RHOT1: variants seen among roughly 807,000 people sequenced by gnomAD.
The protein encoded by RHOT1 is mitochondrial Rho GTPase 1.
RHOT1 carries 27 observed loss-of-function variants against 95.3 expected under a neutral mutation model. The observed-to-expected ratio is 0.28, with a 90% CI of 0.21 to 0.39. RHOT1 has a LOEUF of 0.39. Ranked by LOEUF, RHOT1 falls within the 10% of genes least tolerant of loss-of-function variation. RHOT1 has a pLI of 1.00. For synonymous variants in RHOT1, 227 were observed against 263.5 expected (o/e 0.86, Z 1.34); for missense variants, 578 against 786.7 (o/e 0.73, Z 3.17).
chr17:32,176,288 T>G, intron 6 of RHOT1, 75 bp downstream of exon 6: 1 of 1,130,468 alleles, frequency 8.8e-7, no homozygotes, highest in Non-Finnish European at 1.3e-6. Flanking sequence ...AAGTAGTACA[T>G]TGAACTTCCC....
At chr17:32,148,020 C>G (rs1292086575) in intron 1 of RHOT1, among the ~76,000 whole-genome samples, 1 of 152,158 alleles carries the variant, frequency 6.6e-6, no homozygotes, top group Non-Finnish European at 1.5e-5. Flanking sequence ...AATCCCAGCA[C>G]TTTGGGAGGC....
intron 1 of RHOT1, among the ~76,000 whole-genome samples, chr17:32,152,214 T>C (rs148390970): frequency 7.5e-4 from 114 of 152,354 alleles, no homozygotes; most frequent in African/African-American, 2.6e-3. Context: ...ACACCTTCTC[T>C]CCTGCCAGAG....
At chr17:32,169,482 TA>T (rs1450279765) in intron 1 of RHOT1, among the ~76,000 whole-genome samples, 1 of 152,228 alleles carries the variant, frequency 6.6e-6, no homozygotes, top group Non-Finnish European at 1.5e-5. Flanking sequence ...TCTTTGCTTT[TA>T]CCTTGTTACT....
chr17:32,195,878 G>A (rs969524249), intron 11 of RHOT1, among the ~76,000 whole-genome samples: 5 of 152,026 alleles, frequency 3.3e-5, no homozygotes, highest in African/African-American at 9.7e-5. Context: ...TCTTTTCTGT[G>A]TCATTTATGT....
At chr17:32,142,854 C>T in intron 1 of RHOT1, 125 bp downstream of exon 1, 3 of 871,328 alleles carry the variant, frequency 3.4e-6, no homozygotes, top group Non-Finnish European at 5.5e-6. Context: ...CCTCACAGCT[C>T]CGCTCGCCTT....
chr17:32,152,842 T>C (rs2032487163), intron 1 of RHOT1, among the ~76,000 whole-genome samples: 1 of 152,126 alleles, frequency 6.6e-6, no homozygotes, highest in Admixed American at 6.6e-5. Context: ...CTCACTCGGT[T>C]GTCCAGGCTG....
At chr17:32,200,924 C>G in intron 13 of RHOT1, 32 bp from the exon 14 acceptor site, 1 of 1,502,096 alleles carries the variant, frequency 6.7e-7, no homozygotes, top group Non-Finnish European at 9.2e-7. Context: ...CGTTTAGGAA[C>G]TTTTCACATT....
At chr17:32,204,609 A>G (rs1392902516) in intron 16 of RHOT1, among the ~76,000 whole-genome samples, 3 of 151,030 alleles carry the variant, frequency 2.0e-5, no homozygotes, top group South Asian at 4.2e-4. Context: ...TTTAGATATA[A>G]ATAAAAATTC....
chr17:32,192,422 C>G (rs1300096974), intron 9 of RHOT1, 123 bp downstream of exon 9: 2 of 645,718 alleles, frequency 3.1e-6, no homozygotes, highest in African/African-American at 3.9e-5. Context: ...GTTTCTTTCT[C>G]ATAAAACTAT....
At chr17:32,166,368 T>G (rs1222264659) in intron 1 of RHOT1, among the ~76,000 whole-genome samples, 24 of 152,184 alleles carry the variant, frequency 1.6e-4, no homozygotes, top group Admixed American at 1.5e-3. Flanking sequence ...GCCTCAGGGT[T>G]GATGGCTGCT....
Position 32,170,920 on chromosome 17 carries a change from AACTT to A in RHOT1, c.38-121_38-118del, listed in dbSNP as rs1201340662. 4 of 576,522 alleles carry A rather than the reference AACTT, an allele frequency of 6.9e-6. No homozygotes were observed. In the African/African-American group the frequency reaches 7.8e-5, roughly 11 times the overall value. 35.7% of individuals were successfully genotyped at this position (576,522 alleles called of 1,614,324 possible). On this transcript the variant is annotated intron_variant, in intron 1 of 19. Transcript: ENST00000545287. ...GATATACTTTTAAGTATTATACTAA[AACTT>A]AATAATTTGGATGCCTTAGATTTTA...
intron 16 of RHOT1, 131 bp from the exon 17 acceptor site, chr17:32,206,779 T>G (rs954538986): frequency 1.5e-6 from 1 of 687,682 alleles, no homozygotes; most frequent in Admixed American, 3.1e-5. Context: ...CTTTTAAAAC[T>G]GGCCTGAAAA....
At chr17:32,153,435 G>C (rs1176309119) in intron 1 of RHOT1, among the ~76,000 whole-genome samples, 1 of 152,186 alleles carries the variant, frequency 6.6e-6, no homozygotes, top group Non-Finnish European at 1.5e-5. Context: ...AATGCAGGAG[G>C]ATAGCTTGAG....
chr17:32,206,192 CTTTTTTTTTTTTTTTTT>C lies in RHOT1; in HGVS notation c.1417-704_1417-688del, dbSNP rs71144812. Among the ~76,000 whole-genome samples, 4 of 60,530 alleles carry C rather than the reference CTTTTTTTTTTTTTTTTT, an allele frequency of 6.6e-5. No homozygotes were observed. The East Asian group carries it at 1.2e-3, about 17-fold the overall frequency. 39.7% of individuals were successfully genotyped at this position (60,530 alleles called of 152,430 possible). On this transcript the variant is annotated intron_variant, in intron 16 of 19. Coordinates refer to ENST00000545287, the MANE Select transcript of RHOT1 (RefSeq NM_001033566.3). ...TCACTAATACTAGCTTCCATAGAATCTTTTTTTTTTTTTTTTTTTTTTTTTTTTTTGAGACAAGGTTT... is the reference window on the plus strand; with the variant it reads ...TCACTAATACTAGCTTCCATAGAATCTTTTTTTTTTTTTGAGACAAGGTTT...
At chr17:32,148,629 C>T (rs1018479386) in intron 1 of RHOT1, among the ~76,000 whole-genome samples, 2 of 152,156 alleles carry the variant, frequency 1.3e-5, no homozygotes, top group Non-Finnish European at 2.9e-5. Flanking sequence ...CTAAAGTTTT[C>T]CAGTTAAAAA....
rs1359976492 is a variant in RHOT1 at position 32,224,703 on chromosome 17, T to C, written c.1950T>C (p.Ala650=). The change falls in exon 20 of 20, where the codon GCT becomes GCC. Residue 650 remains alanine (A), a synonymous_variant. Coordinates refer to ENST00000545287, the MANE Select transcript of RHOT1 (RefSeq NM_001033566.3). ...GATVFAVLGF[A]MYKALLKQR ...CTGTTTTTGCAGTTTTGGGCTTTGCTATGTACAAAGCATTATTGAAACAGC... is the reference window on the plus strand; with the variant it reads ...CTGTTTTTGCAGTTTTGGGCTTTGCCATGTACAAAGCATTATTGAAACAGC... 1.9e-6 allele frequency: 3 copies of C among 1,612,682 alleles called. No individual in the cohort carries two copies. The South Asian group carries it at 3.3e-5, about 18-fold the overall frequency.
At chr17:32,223,421 T>C (rs72827715) in intron 19 of RHOT1, among the ~76,000 whole-genome samples, 26,896 of 149,140 alleles carry the variant, frequency 0.18, 2,461 homozygotes, top group South Asian at 0.27. Context: ...TTCTTTCTTT[T>C]TTTTTTTTTT....
At chr17:32,206,487 T>C (rs1598441213) in intron 16 of RHOT1, among the ~76,000 whole-genome samples, 2 of 142,934 alleles carry the variant, frequency 1.4e-5, no homozygotes. Flanking sequence ...AGTCTTGCTC[T>C]GTCGCCCAGG....
intron 8 of RHOT1, among the ~76,000 whole-genome samples, chr17:32,186,342 T>C (rs2036049083): frequency 6.6e-6 from 1 of 151,930 alleles, no homozygotes; most frequent in Non-Finnish European, 1.5e-5. Flanking sequence ...AAACGTCTAT[T>C]GCCTATTCAA....
Sources: allele counts gnomAD v4.1 joint callset (sites outside exome capture counted in the v4.1 genomes callset), GRCh38; gene constraint gnomAD v4.1.1; transcripts MANE v1.5; gene names NCBI Gene and HGNC (gene_info 2026-07-23, HGNC 2026-07-21).